Variants in DCTN5 observed in about 807,000 individuals in gnomAD.
The protein encoded by DCTN5 is dynactin subunit 5.
A neutral mutation model predicts 23.5 loss-of-function variants in DCTN5; 14 were observed. The ratio of observed to expected loss-of-function variants is 0.60; its 90% CI spans 0.39 to 0.93. The LOEUF (loss-of-function observed/expected upper bound fraction) is 0.93, where lower values mean the gene tolerates loss of function less well. Among genes scored for constraint, DCTN5 ranks in the 40% least tolerant of loss-of-function variants. The pLI, the probability that DCTN5 is intolerant of heterozygous loss-of-function variation, is 0.00. For synonymous variants in DCTN5, 67 were observed against 79.6 expected (o/e 0.84, Z 0.84); for missense variants, 156 against 225.9 (o/e 0.69, Z 1.98).
intron 3 of DCTN5, 55 bp from the exon 4 acceptor site, chr16:23,661,115 G>T: frequency 7.9e-7 from 1 of 1,264,284 alleles, no homozygotes; most frequent in South Asian, 1.3e-5. Context: ...TATAAACCTT[G>T]ACCCAAAGTA....
In DCTN5 at chr16:23,667,418, A is replaced by G. The variant is rs1392541312; in HGVS notation, c.*274A>G. ...ACCATTATCTGTGGAACACAGAATC[A>G]TCTGTTCCCAACACTCCAGCCCCTT... On this transcript the variant is annotated 3_prime_UTR_variant, in exon 6 of 6. Transcript: ENST00000300087. 1.4e-5 allele frequency: 6 copies of G among 431,362 alleles called. No individual in the cohort carries two copies. The highest frequency in any genetic ancestry group is 6.7e-4 in the Middle Eastern group (1 of 1,488). The allele number at this position is 431,362 out of a possible 1,614,324, so 26.7% of individuals were successfully genotyped here.
chr16:23,647,495 CT>C (rs111226428), intron 2 of DCTN5, among the ~76,000 whole-genome samples: 107 of 140,168 alleles, frequency 7.6e-4, no homozygotes, highest in African/African-American at 6.8e-4. Context: ...GGGCTGTTTG[CT>C]TTTTTTTTTT....
rs948952065 is a variant in DCTN5 at position 23,672,142 on chromosome 16, T to G, written c.*4998T>G. The G allele has an allele frequency of 6.6e-6, 1 of 152,138 alleles. No homozygotes were observed. Among genetic ancestry groups the G allele is most frequent in the African/African-American group, 2.4e-5 (1 of 41,422 alleles). 9.4% of individuals were successfully genotyped at this position (152,138 alleles called of 1,614,324 possible). ...AGGAGTCTGGGAGAATGAGGAAATA[T>G]GAGAGCCCCAGGAACTGAAAAGGCC... On this transcript the variant is annotated 3_prime_UTR_variant, in exon 6 of 6. Transcript: ENST00000300087.
At position 23,655,101 on chromosome 16, in the gene DCTN5, T is replaced by C. The variant is rs189576375; in HGVS notation, c.118-3406T>C. 7.2e-5 allele frequency among the ~76,000 whole-genome samples: 11 copies of C among 152,344 alleles called. No individual in the cohort carries two copies. The East Asian group carries it at 2.1e-3, about 29-fold the overall frequency. ...TATACTCTTTTATGTCAAGCTTTTT[T>C]CACGCAGCATAATGTTTTTGAGATG... On this transcript the variant is annotated intron_variant, in intron 2 of 5. Coordinates refer to ENST00000300087, the MANE Select transcript of DCTN5 (RefSeq NM_032486.4).
intron 2 of DCTN5, among the ~76,000 whole-genome samples, chr16:23,647,135 G>GTTTTTTTTTTTTGTTTTTT (rs1967481346): frequency 7.8e-6 from 1 of 128,864 alleles, no homozygotes; most frequent in African/African-American, 2.9e-5. Flanking sequence ...AAGTTTTCTG[G>GTTTTTTTTTTTTGTTTTTT]TTTTTTTTTT....
intron 2 of DCTN5, among the ~76,000 whole-genome samples, chr16:23,649,200 G>C (rs1316367214): frequency 6.6e-6 from 1 of 152,154 alleles, no homozygotes; most frequent in African/African-American, 2.4e-5. Flanking sequence ...ATATATATTT[G>C]TTGGCCATTA....
Position 23,645,100 on chromosome 16 carries a change from TATATATATATATATATATATATATATATA to T in DCTN5, c.117+2078_117+2106del, listed in dbSNP as rs1567228271. Among the ~76,000 whole-genome samples the T allele has an allele frequency of 7.1e-3, 174 of 24,668 alleles. 2 individuals carry two copies. Among genetic ancestry groups the T allele is most frequent in the Non-Finnish European group, 8.4e-3 (114 of 13,534 alleles). 16.2% of individuals were successfully genotyped at this position (24,668 alleles called of 152,430 possible). A position where few individuals can be genotyped will look rare whatever the true frequency, so the allele number is the denominator to read the frequency against. The stretch of plus-strand genomic sequence containing the variant: ...CAGCCTAACTATATATATATATATA[TATATATATATATATATATATATATATATA>T]TATATATATTTTTTTTTTTTTTAAT... On this transcript the variant is annotated intron_variant, in intron 2 of 5. Transcript: ENST00000300087.
At position 23,672,589 on chromosome 16, in the gene DCTN5, A is replaced by C. The variant is rs1478943368; in HGVS notation, c.*5445A>C. 1 of 152,248 alleles carries C rather than the reference A, an allele frequency of 6.6e-6. No individual in the cohort carries two copies. The highest frequency in any genetic ancestry group is 6.5e-5 in the Admixed American group (1 of 15,274). 9.4% of individuals were successfully genotyped at this position (152,248 alleles called of 1,614,324 possible). ...GCCAGACAAACAAGGCCCAAGAGGCAAGTGTGCAGGTGGGTGTAGTTGGGA... is the reference window on the plus strand; with the variant it reads ...GCCAGACAAACAAGGCCCAAGAGGCCAGTGTGCAGGTGGGTGTAGTTGGGA... On this transcript the variant is annotated 3_prime_UTR_variant, in exon 6 of 6. Transcript: ENST00000300087.
Position 23,641,539 on chromosome 16 carries a change from G to T in DCTN5, c.-4G>T. On this transcript the variant is annotated 5_prime_UTR_variant, in exon 1 of 6. Coordinates refer to ENST00000300087, the MANE Select transcript of DCTN5 (RefSeq NM_032486.4). The stretch of plus-strand genomic sequence containing the variant: ...TCCGGGGCTGAGGGAAGGAGGCGGC[G>T]GCCATGGAGTTGGGCGAGCTGCTCT... The T allele has an allele frequency of 6.2e-7, 1 of 1,614,082 alleles. No individual in the cohort carries two copies. The highest frequency in any genetic ancestry group is 8.5e-7 in the Non-Finnish European group (1 of 1,179,966).
In DCTN5 at chr16:23,641,591, G is replaced by T. The variant is rs774486862; in HGVS notation, c.48+1G>T. The T allele has an allele frequency of 1.2e-6, 2 of 1,614,000 alleles. No individual in the cohort carries two copies. Among genetic ancestry groups the T allele is most frequent in the Non-Finnish European group, 1.7e-6 (2 of 1,179,904 alleles). On this transcript the variant is annotated splice_donor_variant, in intron 1 of 5. Transcript: ENST00000300087. LOFTEE classifies it high-confidence loss of function. ...CAACAAGTCTGAGTACATCGAGACG[G>T]TGCGCGGGTCCAGATATGTATCCTC...
At chr16:23,664,935 A>G (rs1967878450) in intron 4 of DCTN5, among the ~76,000 whole-genome samples, 1 of 152,154 alleles carries the variant, frequency 6.6e-6, no homozygotes, top group Non-Finnish European at 1.5e-5. Flanking sequence ...GTAGATCTTA[A>G]TGTCACGGCC....
chr16:23,645,788 A>C (rs1342268270), intron 2 of DCTN5, among the ~76,000 whole-genome samples: 3 of 152,182 alleles, frequency 2.0e-5, no homozygotes, highest in Non-Finnish European at 4.4e-5. Context: ...CATTTCGTAT[A>C]GGCACTTGGA....
At chr16:23,666,305 A>G (rs1279188630) in intron 5 of DCTN5, among the ~76,000 whole-genome samples, 1 of 152,222 alleles carries the variant, frequency 6.6e-6, no homozygotes, top group Non-Finnish European at 1.5e-5. Flanking sequence ...CTGAAAAGTT[A>G]GCATAAACCA....
At chr16:23,656,218 C>A (rs1453454359) in intron 2 of DCTN5, among the ~76,000 whole-genome samples, 1 of 152,124 alleles carries the variant, frequency 6.6e-6, no homozygotes, top group African/African-American at 2.4e-5. Context: ...CAGAGCGAGA[C>A]CCTGTCTCTA....
At chr16:23,657,393 T>C in intron 2 of DCTN5, 1 of 334,388 alleles carries the variant, frequency 3.0e-6, no homozygotes, top group Non-Finnish European at 5.9e-6. Context: ...GAGCTCAAGG[T>C]TGCAGTGAGC....
At chr16:23,645,120 TATATATATA>T (rs1967417753) in intron 2 of DCTN5, among the ~76,000 whole-genome samples, 17 of 43,054 alleles carry the variant, frequency 3.9e-4, no homozygotes, top group South Asian at 7.0e-4. Context: ...TATATATATA[TATATATATA>T]TATATATATT....
rs567138288 is a variant in DCTN5 at position 23,673,122 on chromosome 16, C to G, written c.*5978C>G. 1.5e-5 allele frequency: 2 copies of G among 136,550 alleles called. No homozygotes were observed. Among genetic ancestry groups the G allele is most frequent in the African/African-American group, 5.5e-5 (2 of 36,128 alleles). 8.5% of individuals were successfully genotyped at this position (136,550 alleles called of 1,614,324 possible). On this transcript the variant is annotated 3_prime_UTR_variant, in exon 6 of 6. Coordinates refer to ENST00000300087, the MANE Select transcript of DCTN5 (RefSeq NM_032486.4). ...CAGCCTGGGCGACAGAGCGAGACTC[C>G]GTCTCAAAAAAAAAAAAAAAAACCA...
At position 23,673,321 on chromosome 16, in the gene DCTN5, C is replaced by T. The variant is rs1968041852; in HGVS notation, c.*6177C>T. ...ATAGAGACAGGGTTTTACCATGTTG[C>T]CCAGACTAGTCTTGAACTCCTGGGC... is the stretch of plus-strand genomic sequence containing the variant. On this transcript the variant is annotated 3_prime_UTR_variant, in exon 6 of 6. Coordinates refer to ENST00000300087, the MANE Select transcript of DCTN5 (RefSeq NM_032486.4). The T allele has an allele frequency of 6.6e-6, 1 of 152,110 alleles. No homozygotes were observed. Among genetic ancestry groups the T allele is most frequent in the African/African-American group, 2.4e-5 (1 of 41,404 alleles). The allele number at this position is 152,110 out of a possible 1,614,324, so 9.4% of individuals were successfully genotyped here.
At chr16:23,645,095 A>ATC (rs1967402128) in intron 2 of DCTN5, among the ~76,000 whole-genome samples, 2 of 13,462 alleles carry the variant, frequency 1.5e-4, no homozygotes, top group East Asian at 4.6e-3. Context: ...ATATATATAT[A>ATC]TATATATATA....
Sources: allele counts gnomAD v4.1 joint callset (sites outside exome capture counted in the v4.1 genomes callset), GRCh38; gene constraint gnomAD v4.1.1; transcripts MANE v1.5; gene names NCBI Gene and HGNC (gene_info 2026-07-23, HGNC 2026-07-21).